GALNT17: variants seen among roughly 807,000 people sequenced by gnomAD.
GALNT17 encodes the protein UDP-GalNAc:polypeptide N-acetylgalactosaminyltransferase-like 3.
Under a neutral mutation model 63.7 loss-of-function variants are expected in GALNT17, and 29 were observed. That is an observed-to-expected ratio of 0.46 (90% CI 0.34 to 0.62). The LOEUF is 0.62. Among genes scored for constraint, GALNT17 ranks in the 20% least tolerant of loss-of-function variants. The probability of loss-of-function intolerance (pLI) is 0.01; values close to 1 mark genes in which losing one functional copy is unlikely to be tolerated. For missense variants in GALNT17, 603 were observed against 799.6 expected (o/e 0.75, Z 2.97); for synonymous variants, 305 against 318.3 (o/e 0.96, Z 0.45).
At chr7:71,284,012 CAAAT>C (rs1297387283) in intron 1 of GALNT17, 1 of 152,214 alleles carries the variant, frequency 6.6e-6, no homozygotes, top group African/African-American at 2.4e-5. Context: ...TGGGCGGGGA[CAAAT>C]AAGGGAATAA....
At chr7:71,276,849 T>G (rs1428694203) in intron 1 of GALNT17, among the ~76,000 whole-genome samples, 1 of 151,954 alleles carries the variant, frequency 6.6e-6, no homozygotes, top group African/African-American at 2.4e-5. Flanking sequence ...AATATAAAAA[T>G]TAAGCAGGCA....
chr7:71,165,950 C>CTTT (rs71080430), intron 1 of GALNT17, among the ~76,000 whole-genome samples: 1 of 149,570 alleles, frequency 6.7e-6, no homozygotes, highest in African/African-American at 2.5e-5. Flanking sequence ...GAAAGCTGCT[C>CTTT]TTTTTTTTTT....
intron 5 of GALNT17, among the ~76,000 whole-genome samples, chr7:71,493,009 AAAG>A (rs1406802396): frequency 1.3e-5 from 2 of 152,238 alleles, no homozygotes; most frequent in Admixed American, 6.5e-5. Context: ...CAGCTAAAAT[AAAG>A]AACTATTTTA....
chr7:71,301,405 TTAAA>T lies in GALNT17; in HGVS notation c.239-34142_239-34139del, dbSNP rs557839087. Among the ~76,000 whole-genome samples the T allele has an allele frequency of 4.1e-4, 61 of 147,526 alleles. 2 individuals carry two copies. In the South Asian group the frequency reaches 0.013, roughly 31 times the overall value. On this transcript the variant is annotated intron_variant, in intron 1 of 10. Coordinates refer to ENST00000333538, the MANE Select transcript of GALNT17 (RefSeq NM_022479.3). The stretch of plus-strand genomic sequence containing the variant: ...TAATAATATATAATAAAATATATAT[TTAAA>T]TATGTATATAATAAAATATATAACA...
intron 5 of GALNT17, among the ~76,000 whole-genome samples, chr7:71,480,155 CTTTTTTTTTTTTTTTTTT>C (rs67257902): frequency 1.5e-5 from 1 of 65,328 alleles, no homozygotes; most frequent in Admixed American, 2.3e-4. Flanking sequence ...TTTTTGGAGT[CTTTTTTTTTTTTTTTTTT>C]TTTTTTTTTT....
chr7:71,161,068 T>C (rs1788333654), intron 1 of GALNT17, among the ~76,000 whole-genome samples: 1 of 152,064 alleles, frequency 6.6e-6, no homozygotes, highest in South Asian at 2.1e-4. Flanking sequence ...CTCGAACTCC[T>C]GGGCTCAAGT....
intron 6 of GALNT17, among the ~76,000 whole-genome samples, chr7:71,590,393 A>G (rs1789780688): frequency 6.6e-6 from 1 of 152,202 alleles, no homozygotes; most frequent in Non-Finnish European, 1.5e-5. Flanking sequence ...GAGTTATTTT[A>G]TAGGAAGCAT....
chr7:71,662,562 G>A (rs886872920), intron 6 of GALNT17, among the ~76,000 whole-genome samples: 6 of 151,926 alleles, frequency 3.9e-5, no homozygotes, highest in Non-Finnish European at 7.4e-5. Flanking sequence ...CCAGCCCCCT[G>A]CCCACCACCT....
chr7:71,286,710 T>A (rs1472089239), intron 1 of GALNT17, among the ~76,000 whole-genome samples: 1 of 152,102 alleles, frequency 6.6e-6, no homozygotes, highest in African/African-American at 2.4e-5. Context: ...GGTTTCCTCA[T>A]TTGTAAAGGA....
intron 6 of GALNT17, among the ~76,000 whole-genome samples, chr7:71,616,291 C>T (rs77062762): frequency 9.2e-5 from 14 of 151,902 alleles, no homozygotes; most frequent in African/African-American, 3.4e-4. Flanking sequence ...TTCTTTCCCC[C>T]CCGTCCTCTC....
chr7:71,672,517 A>G (rs910278452), intron 8 of GALNT17, among the ~76,000 whole-genome samples: 2 of 152,232 alleles, frequency 1.3e-5, no homozygotes, highest in Non-Finnish European at 2.9e-5. Flanking sequence ...CAAATGCTAT[A>G]GATGAACAAA....
intron 3 of GALNT17, among the ~76,000 whole-genome samples, chr7:71,392,950 C>G (rs946381591): frequency 6.6e-6 from 1 of 152,126 alleles, no homozygotes; most frequent in Admixed American, 6.5e-5. Context: ...AAAAAGACCC[C>G]CACACACTGT....
At chr7:71,435,053 G>A (rs1356391181) in intron 5 of GALNT17, among the ~76,000 whole-genome samples, 3 of 152,166 alleles carry the variant, frequency 2.0e-5, no homozygotes. Context: ...ATGGACAGAT[G>A]CAGTGGGTCA....
At chr7:71,402,256 A>G (rs779625554) in intron 3 of GALNT17, among the ~76,000 whole-genome samples, 10 of 152,240 alleles carry the variant, frequency 6.6e-5, no homozygotes, top group Non-Finnish European at 1.3e-4. Flanking sequence ...TCGGTATTCA[A>G]CTTGCATATC....
At chr7:71,681,958 G>A (rs982164711) in intron 9 of GALNT17, among the ~76,000 whole-genome samples, 1 of 152,080 alleles carries the variant, frequency 6.6e-6, no homozygotes, top group Non-Finnish European at 1.5e-5. Flanking sequence ...ACAGAGTCTC[G>A]CTCTGTCACC....
At chr7:71,189,744 A>G (rs1462532492) in intron 1 of GALNT17, among the ~76,000 whole-genome samples, 2 of 152,092 alleles carry the variant, frequency 1.3e-5, no homozygotes, top group Non-Finnish European at 2.9e-5. Context: ...TGAGCTTTTA[A>G]TATCTTGGGC....
In GALNT17 at chr7:71,203,749, C is replaced by T. The variant is rs148802240; in HGVS notation, c.238+70709C>T. Among the ~76,000 whole-genome samples the T allele has an allele frequency of 9.2e-5, 14 of 152,266 alleles. No individual in the cohort carries two copies. The East Asian group carries it at 2.1e-3, about 23-fold the overall frequency. ...GCAGAAGGCGAAGGGGGAGCTGGCA[C>T]GTCACATGGCAGAAGGAGGAGCAAA... is the stretch of plus-strand genomic sequence containing the variant. On this transcript the variant is annotated intron_variant, in intron 1 of 10. Transcript: ENST00000333538.
intron 6 of GALNT17, among the ~76,000 whole-genome samples, chr7:71,623,177 A>G (rs766754104): frequency 2.7e-5 from 4 of 147,530 alleles, no homozygotes; most frequent in Non-Finnish European, 6.0e-5. Context: ...CTGAATGCAA[A>G]CCCTGTCTCT....
At chr7:71,246,044 G>A (rs561756075) in intron 1 of GALNT17, among the ~76,000 whole-genome samples, 2 of 151,096 alleles carry the variant, frequency 1.3e-5, no homozygotes, top group South Asian at 4.2e-4. Context: ...TTTATGCTAG[G>A]GAAATCAATC....
Sources: gnomAD v4.1 joint callset for allele counts (sites outside exome capture counted in the v4.1 genomes callset) on GRCh38, gnomAD v4.1.1 for gene constraint, MANE v1.5 for transcripts, NCBI Gene and HGNC (gene_info 2026-07-23, HGNC 2026-07-21) for gene names.